The following RGS7BP variants were observed in gnomAD, a reference collection of about 807,000 sequenced individuals.
RGS7BP encodes the protein regulator of G protein signaling 7 binding protein.
A neutral mutation model predicts 31.3 loss-of-function variants in RGS7BP; 9 were observed. The observed-to-expected ratio is 0.29, with a 90% confidence interval of 0.17 to 0.50. The LOEUF (loss-of-function observed/expected upper bound fraction) is 0.50, where lower values mean the gene tolerates loss of function less well. Ranked by LOEUF, RGS7BP falls within the 20% of genes least tolerant of loss-of-function variation. The probability of loss-of-function intolerance (pLI) is 0.98; values close to 1 mark genes in which losing one functional copy is unlikely to be tolerated. For missense variants in RGS7BP, 274 were observed against 322.0 expected, an observed-to-expected ratio of 0.85 and a Z score of 1.14; for synonymous variants, 115 against 120.1, an observed-to-expected ratio of 0.96 and a Z score of 0.28.
At chr5:64,606,597 A>G (rs778648391) in intron 5 of RGS7BP, among the ~76,000 whole-genome samples, 2 of 152,030 alleles carry the variant, frequency 1.3e-5, no homozygotes, top group Non-Finnish European at 2.9e-5. Context: ...AAAATTCTTT[A>G]CCCCTCAGAA....
At position 64,506,481 on chromosome 5, in the gene RGS7BP, A is replaced by G; in HGVS notation, c.-144A>G. On this transcript the variant is annotated 5_prime_UTR_variant, in exon 1 of 6. Coordinates refer to ENST00000334025, the MANE Select transcript of RGS7BP (RefSeq NM_001029875.3). This position sits in a 1 kb window ranked among gnomAD's most constrained non-coding sequence, Gnocchi z 4.6. ...CTCTCCTTCAAGCTGAAGGTTACCG[A>G]CCCGCGCAGCCAGCCCCAGCACTGT... The G allele has an allele frequency of 1.7e-6, 1 of 574,682 alleles. No individual in the cohort carries two copies. The allele number at this position is 574,682 out of a possible 1,614,324, so 35.6% of individuals were successfully genotyped here. A position where few individuals can be genotyped will look rare whatever the true frequency, so the allele number is the denominator to read the frequency against.
At chr5:64,542,750 A>C (rs768206864) in intron 2 of RGS7BP, among the ~76,000 whole-genome samples, 9 of 152,248 alleles carry the variant, frequency 5.9e-5, no homozygotes, top group Admixed American at 3.9e-4. Flanking sequence ...AATGAATTGA[A>C]TAATCTGAGC....
intron 2 of RGS7BP, among the ~76,000 whole-genome samples, chr5:64,559,251 CT>C (rs1470302699): frequency 6.6e-6 from 1 of 152,118 alleles, no homozygotes; most frequent in Non-Finnish European, 1.5e-5. Context: ...CTCTTTTGTA[CT>C]CTTTCCCTTT....
intron 2 of RGS7BP, among the ~76,000 whole-genome samples, chr5:64,524,310 C>T (rs1749179054): frequency 6.6e-6 from 1 of 152,130 alleles, no homozygotes; most frequent in African/African-American, 2.4e-5. Flanking sequence ...ATTTAATGTA[C>T]CCCATCCATT....
intron 2 of RGS7BP, among the ~76,000 whole-genome samples, chr5:64,553,764 A>G (rs1741853808): frequency 6.6e-6 from 1 of 152,152 alleles, no homozygotes; most frequent in African/African-American, 2.4e-5. Context: ...TTCTGGCAAG[A>G]CACTGGTTAA....
At chr5:64,526,988 A>T (rs1749246328) in intron 2 of RGS7BP, among the ~76,000 whole-genome samples, 1 of 152,240 alleles carries the variant, frequency 6.6e-6, no homozygotes, top group South Asian at 2.1e-4. Context: ...ATAAAGAAGC[A>T]CTTCTCTTCC....
intron 2 of RGS7BP, among the ~76,000 whole-genome samples, chr5:64,542,894 C>T (rs1741560566): frequency 1.3e-5 from 2 of 152,188 alleles, no homozygotes; most frequent in South Asian, 2.1e-4. Context: ...TGGCCCCATA[C>T]GACTCTGTGA....
Position 64,610,260 on chromosome 5 carries a change from T to A in RGS7BP, c.*1008T>A, listed in dbSNP as rs1238102922. Reference sequence around the variant, plus strand: ...TTTCCAACGTGTACTTGGTGTCTTGTCTTATGCTTAGACTCTTGAAAGCAG... The same window carrying A: ...TTTCCAACGTGTACTTGGTGTCTTGACTTATGCTTAGACTCTTGAAAGCAG... On this transcript the variant is annotated 3_prime_UTR_variant, in exon 6 of 6. Coordinates refer to ENST00000334025, the MANE Select transcript of RGS7BP (RefSeq NM_001029875.3). 1 of 152,450 alleles carries A rather than the reference T, an allele frequency of 6.6e-6. No individual in the cohort carries two copies. Among genetic ancestry groups the A allele is most frequent in the African/African-American group, 2.4e-5 (1 of 41,440 alleles). 9.4% of individuals were successfully genotyped at this position (152,450 alleles called of 1,614,324 possible).
intron 5 of RGS7BP, among the ~76,000 whole-genome samples, chr5:64,605,894 T>C (rs1365797054): frequency 6.7e-6 from 1 of 148,500 alleles, no homozygotes; most frequent in East Asian, 2.0e-4. Context: ...ATATATATGC[T>C]ATATATATGT....
intron 5 of RGS7BP, among the ~76,000 whole-genome samples, chr5:64,599,435 G>C: frequency 6.6e-6 from 1 of 152,198 alleles, no homozygotes; most frequent in Non-Finnish European, 1.5e-5. Context: ...GGAGCTGGAG[G>C]CTCCTCTTGG....
intron 2 of RGS7BP, among the ~76,000 whole-genome samples, chr5:64,519,787 G>A (rs1223430118): frequency 6.6e-6 from 1 of 152,178 alleles, no homozygotes; most frequent in African/African-American, 2.4e-5. Flanking sequence ...TACAACCTGG[G>A]AAGATACTGT....
At chr5:64,511,565 G>C (rs1402662309) in intron 2 of RGS7BP, among the ~76,000 whole-genome samples, 2 of 152,160 alleles carry the variant, frequency 1.3e-5, no homozygotes, top group African/African-American at 4.8e-5. Flanking sequence ...TGGGGTGTGT[G>C]TGTATGTGTC....
At chr5:64,601,551 G>T in intron 5 of RGS7BP, 1 of 471,454 alleles carries the variant, frequency 2.1e-6, no homozygotes, top group Non-Finnish European at 2.8e-6. Context: ...TAAGACTGGA[G>T]GCCAAGAGAT....
chr5:64,544,978 C>T (rs966925024), intron 2 of RGS7BP, among the ~76,000 whole-genome samples: 6 of 152,044 alleles, frequency 3.9e-5, no homozygotes, highest in African/African-American at 1.2e-4. Flanking sequence ...AGATTGAGAC[C>T]GTACTGGCCA....
At chr5:64,538,645 C>A (rs1456890423) in intron 2 of RGS7BP, among the ~76,000 whole-genome samples, 1 of 143,660 alleles carries the variant, frequency 7.0e-6, no homozygotes, top group Non-Finnish European at 1.5e-5. Flanking sequence ...CAACTTCTGC[C>A]CCCTGGGTTC....
rs79542808 is a variant in RGS7BP at position 64,534,028 on chromosome 5, T to C, written c.332+26151T>C. Among the ~76,000 whole-genome samples, 535 of 152,252 alleles carry C rather than the reference T, an allele frequency of 3.5e-3. 6 individuals carry two copies. Among genetic ancestry groups the C allele is most frequent in the African/African-American group, 0.011 (460 of 41,532 alleles). On this transcript the variant is annotated intron_variant, in intron 2 of 5. Transcript: ENST00000334025. ...TATAAGGACAGTAATAGAAAAAGGA[T>C]AATATGAGAGCAAGTGTGCTGCATC...
At chr5:64,592,988 C>T (rs1742961408) in intron 3 of RGS7BP, among the ~76,000 whole-genome samples, 1 of 152,202 alleles carries the variant, frequency 6.6e-6, no homozygotes, top group South Asian at 2.1e-4. Flanking sequence ...TTTAAGAGGT[C>T]AATGCCCTCC....
rs193250430 is a variant in RGS7BP, at chr5:64,600,803, C to T, written c.682+2368C>T. Among the ~76,000 whole-genome samples the T allele has an allele frequency of 3.1e-4, 47 of 152,324 alleles. 1 individual carries two copies. The highest frequency in any genetic ancestry group is 3.1e-3 in the Admixed American group (47 of 15,308). ...ACATCTCTGTTCTCTATGTGTTTAA[C>T]ATGACCTCACAGCCTGCTGAGCTGA... On this transcript the variant is annotated intron_variant, in intron 5 of 5. Coordinates refer to ENST00000334025, the MANE Select transcript of RGS7BP (RefSeq NM_001029875.3).
intron 5 of RGS7BP, among the ~76,000 whole-genome samples, chr5:64,600,473 CAG>C (rs1169040816): frequency 1.3e-5 from 2 of 151,526 alleles, no homozygotes; most frequent in Non-Finnish European, 2.9e-5. Flanking sequence ...TCTTTATACA[CAG>C]AAAAAAATAA....
Sources: gnomAD v4.1 joint callset for allele counts (sites outside exome capture counted in the v4.1 genomes callset) on GRCh38, gnomAD v4.1.1 for gene constraint, Gnocchi (gnomAD v3.1) non-coding constraint, MANE v1.5 for transcripts, NCBI Gene and HGNC (gene_info 2026-07-23, HGNC 2026-07-21) for gene names.